Variants in TBC1D1 observed in about 807,000 individuals in gnomAD.
TBC1D1 encodes TBC1 domain family member 1.
TBC1D1 carries 89 observed loss-of-function variants against 125.6 expected under a neutral mutation model. That is an observed-to-expected ratio of 0.71 (90% CI 0.60 to 0.85). The LOEUF is 0.85. TBC1D1 is among the 40% of genes least tolerant of loss of function. The pLI is 0.00. For synonymous variants in TBC1D1, 565 were observed against 564.1 expected, an observed-to-expected ratio of 1.00 and a Z score of -0.02; for missense variants, 1,377 against 1,469.2, an observed-to-expected ratio of 0.94 and a Z score of 1.03.
At chr4:38,038,170 C>T (rs190225593) in intron 8 of TBC1D1, among the ~76,000 whole-genome samples, 27 of 152,208 alleles carry the variant, frequency 1.8e-4, no homozygotes, top group Admixed American at 3.9e-4. Flanking sequence ...TGTCTGATGT[C>T]TAAGTACTTT....
rs183304467 is a variant in TBC1D1 at position 37,990,052 on chromosome 4, A to C, written c.418-24457A>C. ...GAATTAGCCAAGTGGTATTTTGCGG[A>C]AGTTCTTTTTAAAGGGTGGGCCCAA... On this transcript the variant is annotated intron_variant, in intron 2 of 19. Coordinates refer to ENST00000261439, the MANE Select transcript of TBC1D1 (RefSeq NM_015173.4). Among the ~76,000 whole-genome samples the C allele has an allele frequency of 1.3e-3, 205 of 152,352 alleles. 1 individual carries two copies. Among genetic ancestry groups the C allele is most frequent in the African/African-American group, 4.6e-3 (192 of 41,580 alleles).
chr4:38,131,751 C>T (rs2152634616), intron 18 of TBC1D1, among the ~76,000 whole-genome samples: 1 of 152,346 alleles, frequency 6.6e-6, no homozygotes, highest in Admixed American at 6.5e-5. Flanking sequence ...ATAATCCCTG[C>T]TGACCTCACG....
At chr4:37,906,104 T>G (rs1387256182) in intron 2 of TBC1D1, among the ~76,000 whole-genome samples, 2 of 152,230 alleles carry the variant, frequency 1.3e-5, no homozygotes, top group Non-Finnish European at 2.9e-5. Context: ...CTGGATGGTC[T>G]GCTGCTGCAG....
intron 2 of TBC1D1, among the ~76,000 whole-genome samples, chr4:37,922,050 T>C (rs1255703595): frequency 1.3e-5 from 2 of 152,206 alleles, no homozygotes; most frequent in Admixed American, 6.5e-5. Context: ...TTTCCTGTTT[T>C]TATCTCTACT....
At chr4:37,982,079 C>A (rs1207782041) in intron 2 of TBC1D1, among the ~76,000 whole-genome samples, 1 of 152,198 alleles carries the variant, frequency 6.6e-6, no homozygotes, top group Admixed American at 6.5e-5. Flanking sequence ...TCATCTCTTT[C>A]TTCTAAGCAC....
At chr4:37,970,364 A>G (rs1292053086) in intron 2 of TBC1D1, among the ~76,000 whole-genome samples, 1 of 152,236 alleles carries the variant, frequency 6.6e-6, no homozygotes, top group Non-Finnish European at 1.5e-5. Flanking sequence ...TCAAACTTAC[A>G]CTAACATTCC....
chr4:38,053,315 C>T (rs2152485364), intron 11 of TBC1D1, 90 bp downstream of exon 13: 1 of 1,102,880 alleles, frequency 9.1e-7, no homozygotes, highest in Non-Finnish European at 1.2e-6. Context: ...ACTATTTTGC[C>T]ATTTAAAAAA....
chr4:38,054,380 T>C, intron 12 of TBC1D1, 42 bp downstream of exon 14: 1 of 1,610,858 alleles, frequency 6.2e-7, no homozygotes, highest in Admixed American at 1.7e-5. Context: ...GAGAGCACGC[T>C]GACAGAGGAC....
chr4:38,115,694 T>C lies in TBC1D1; in HGVS notation c.2558-16T>C, dbSNP rs758248844. ...TTTGTTTTTATTATTACAACTAATATGTATTCTTTTCACAGGGCGAACCTT... is the reference window on the plus strand; with the variant it reads ...TTTGTTTTTATTATTACAACTAATACGTATTCTTTTCACAGGGCGAACCTT... On this transcript the variant is annotated splice_polypyrimidine_tract_variant and intron_variant, in intron 15 of 19. Transcript: ENST00000261439. The C allele has an allele frequency of 1.2e-5, 19 of 1,606,054 alleles. No individual in the cohort carries two copies. The African/African-American group carries it at 2.0e-4, about 17-fold the overall frequency.
chr4:37,916,435 C>G (rs982572394), intron 2 of TBC1D1, among the ~76,000 whole-genome samples: 1 of 152,036 alleles, frequency 6.6e-6, no homozygotes, highest in African/African-American at 2.4e-5. Flanking sequence ...TCGTAGTTGT[C>G]CCCTGTATGA....
intron 18 of TBC1D1, among the ~76,000 whole-genome samples, chr4:38,127,567 A>AG (rs1479780167): frequency 1.3e-5 from 2 of 152,028 alleles, no homozygotes; most frequent in African/African-American, 4.8e-5. Context: ...TATTTTTAGT[A>AG]GAGGTGGGGT....
chr4:37,959,419 C>A (rs1729543761), intron 2 of TBC1D1, among the ~76,000 whole-genome samples: 1 of 152,110 alleles, frequency 6.6e-6, no homozygotes, highest in African/African-American at 2.4e-5. Context: ...CAGGTCTTCA[C>A]CCTCATTGTC....
intron 17 of TBC1D1, among the ~76,000 whole-genome samples, chr4:38,122,370 T>C (rs1763993131): frequency 6.6e-6 from 1 of 152,260 alleles, no homozygotes; most frequent in African/African-American, 2.4e-5. Context: ...CCTGGTGATC[T>C]GGACCTGCGT....
At chr4:37,978,485 T>C (rs142363831) in intron 2 of TBC1D1, among the ~76,000 whole-genome samples, 2 of 152,340 alleles carry the variant, frequency 1.3e-5, no homozygotes, top group East Asian at 3.9e-4. Flanking sequence ...GGTGGTTATG[T>C]CTTGAGTTAT....
intron 2 of TBC1D1, among the ~76,000 whole-genome samples, chr4:37,999,959 T>C (rs1395569384): frequency 6.6e-6 from 1 of 152,228 alleles, no homozygotes; most frequent in Non-Finnish European, 1.5e-5. Context: ...GAAAAGATTA[T>C]AATGTGCTGG....
At chr4:38,094,393 C>T (rs572236631) in intron 13 of TBC1D1, among the ~76,000 whole-genome samples, 1 of 152,256 alleles carries the variant, frequency 6.6e-6, no homozygotes, top group East Asian at 1.9e-4. Context: ...CAGTCCTCTT[C>T]CCCTATCTCT....
chr4:38,012,874 A>AG (rs1295816711), intron 2 of TBC1D1, among the ~76,000 whole-genome samples: 4 of 151,498 alleles, frequency 2.6e-5, no homozygotes, highest in Non-Finnish European at 5.9e-5. Context: ...GCTCACTGCA[A>AG]CCTCCGCCTC....
intron 1 of TBC1D1, 114 bp from the exon 2 acceptor site, chr4:37,901,889 C>CT: frequency 2.0e-6 from 1 of 490,276 alleles, no homozygotes; most frequent in East Asian, 3.3e-5. Context: ...CTTATTTGAA[C>CT]CTCTTATTAT....
chr4:37,952,117 T>C, intron 2 of TBC1D1: 1 of 716,076 alleles, frequency 1.4e-6, no homozygotes, highest in Non-Finnish European at 2.6e-6. Context: ...TGAAGCTTGC[T>C]GCAAGGCCTG....
Sources: gnomAD v4.1 joint callset for allele counts (sites outside exome capture counted in the v4.1 genomes callset) on GRCh38, gnomAD v4.1.1 for gene constraint, MANE v1.5 for transcripts, NCBI Gene and HGNC (gene_info 2026-07-23, HGNC 2026-07-21) for gene names.